TRPC4: variants seen among roughly 807,000 people sequenced by gnomAD.
The protein encoded by TRPC4 is transient receptor potential cation channel subfamily C member 4, also known as short transient receptor potential channel 4.
Under a neutral mutation model 99.4 loss-of-function variants are expected in TRPC4, and 49 were observed. The ratio of observed to expected loss-of-function variants is 0.49; its 90% CI spans 0.39 to 0.63. The LOEUF is 0.63. TRPC4 is among the 20% of genes least tolerant of loss of function. The pLI, the probability that TRPC4 is intolerant of heterozygous loss-of-function variation, is 0.00. For synonymous variants in TRPC4, 454 were observed against 425.9 expected (o/e 1.07, Z -0.81); for missense variants, 898 against 1,152.9 (o/e 0.78, Z 3.20).
chr13:37,850,809 T>C (rs888142658), intron 1 of TRPC4, among the ~76,000 whole-genome samples: 2 of 152,082 alleles, frequency 1.3e-5, no homozygotes, highest in Non-Finnish European at 2.9e-5. Flanking sequence ...ACATCCCAGA[T>C]AGAGGGAAAC....
intron 4 of TRPC4, among the ~76,000 whole-genome samples, chr13:37,685,238 G>T (rs948515275): frequency 6.6e-6 from 1 of 152,130 alleles, no homozygotes; most frequent in Non-Finnish European, 1.5e-5. Context: ...ACGGACACAC[G>T]TTCTGAGCTG....
intron 3 of TRPC4, among the ~76,000 whole-genome samples, chr13:37,695,154 G>A (rs1953865324): frequency 6.6e-6 from 1 of 151,786 alleles, no homozygotes; most frequent in Non-Finnish European, 1.5e-5. Flanking sequence ...CTCCCTGCCT[G>A]ACTACCTCCC....
At chr13:37,790,215 A>G (rs186845622) in intron 1 of TRPC4, among the ~76,000 whole-genome samples, 1 of 152,274 alleles carries the variant, frequency 6.6e-6, no homozygotes, top group East Asian at 1.9e-4. Context: ...ATGAAATAAT[A>G]GAGTATAAGG....
At chr13:37,845,514 C>A (rs576463479) in intron 1 of TRPC4, among the ~76,000 whole-genome samples, 1 of 151,764 alleles carries the variant, frequency 6.6e-6, no homozygotes, top group African/African-American at 2.4e-5. Flanking sequence ...AAAAAGTGAA[C>A]TAAAAAATTA....
intron 1 of TRPC4, among the ~76,000 whole-genome samples, chr13:37,844,388 A>C (rs1958828466): frequency 1.3e-5 from 2 of 151,960 alleles, no homozygotes; most frequent in African/African-American, 4.8e-5. Context: ...TCCATCTCCC[A>C]GGTTCAAGCA....
chr13:37,706,532 G>A, intron 3 of TRPC4, among the ~76,000 whole-genome samples: 1 of 151,894 alleles, frequency 6.6e-6, no homozygotes, highest in Non-Finnish European at 1.5e-5. Flanking sequence ...CAATGTGCAG[G>A]TTTGTTACAT....
At chr13:37,785,753 A>T (rs1956954892) in intron 1 of TRPC4, among the ~76,000 whole-genome samples, 1 of 152,100 alleles carries the variant, frequency 6.6e-6, no homozygotes, top group Non-Finnish European at 1.5e-5. Flanking sequence ...AATTAGGTAG[A>T]GAACAGCATT....
chr13:37,830,916 C>T (rs575244168), intron 1 of TRPC4, among the ~76,000 whole-genome samples: 1 of 150,928 alleles, frequency 6.6e-6, no homozygotes, highest in African/African-American at 2.4e-5. Flanking sequence ...CATATGAAGG[C>T]AGACTGTGAA....
chr13:37,656,909 A>G (rs1011855612), intron 6 of TRPC4, among the ~76,000 whole-genome samples: 1 of 152,176 alleles, frequency 6.6e-6, no homozygotes, highest in African/African-American at 2.4e-5. Context: ...GGCTTGCTCT[A>G]GGTTCTGCCC....
intron 1 of TRPC4, among the ~76,000 whole-genome samples, chr13:37,799,764 G>A (rs1378874279): frequency 1.3e-5 from 2 of 152,158 alleles, no homozygotes; most frequent in African/African-American, 4.8e-5. Flanking sequence ...AACCCAAGAA[G>A]GTTCGATCTG....
intron 1 of TRPC4, among the ~76,000 whole-genome samples, chr13:37,822,187 C>T (rs1324386550): frequency 4.6e-5 from 7 of 152,088 alleles, no homozygotes; most frequent in Non-Finnish European, 8.8e-5. Flanking sequence ...AGCCAATAGG[C>T]ATGTGAAAGA....
chr13:37,737,603 A>G (rs1045921791), intron 3 of TRPC4, among the ~76,000 whole-genome samples: 3 of 152,082 alleles, frequency 2.0e-5, no homozygotes, highest in African/African-American at 4.8e-5. Flanking sequence ...CTTCACAAGT[A>G]GCTGGGACTA....
chr13:37,647,486 G>A (rs1261892787), intron 8 of TRPC4, among the ~76,000 whole-genome samples: 4 of 152,166 alleles, frequency 2.6e-5, no homozygotes, highest in African/African-American at 9.6e-5. Flanking sequence ...AGACACAACA[G>A]GGAAGGTGTT....
Position 37,637,515 on chromosome 13 carries a change from C to T in TRPC4, c.2322G>A (p.Ser774=). The change falls in exon 11 of 11, where the codon TCG becomes TCA. Residue 774 remains serine, a synonymous_variant. Transcript: ENST00000379705. ...SANASKESSN[S]ADSDEKSDSE... ...TATCACTCTTTTCATCTGAGTCTGC[C>T]GAATTTGAAGACTCCTTCGAGGCAT... 1.2e-6 allele frequency: 2 copies of T among 1,613,554 alleles called. No homozygotes were observed. Among genetic ancestry groups the T allele is most frequent in the Non-Finnish European group, 1.7e-6 (2 of 1,179,754 alleles).
intron 1 of TRPC4, among the ~76,000 whole-genome samples, chr13:37,798,488 A>C (rs750272555): frequency 2.6e-5 from 4 of 152,182 alleles, no homozygotes; most frequent in Non-Finnish European, 5.9e-5. Context: ...GACGGTTGAT[A>C]TTTTACAAGT....
At chr13:37,739,734 G>C (rs371922094) in intron 3 of TRPC4, among the ~76,000 whole-genome samples, 1 of 151,864 alleles carries the variant, frequency 6.6e-6, no homozygotes, top group Admixed American at 6.6e-5. Context: ...TCAAACTCCT[G>C]ACCTTGTGAC....
chr13:37,765,028 A>C (rs929584760), intron 2 of TRPC4, among the ~76,000 whole-genome samples: 1 of 151,122 alleles, frequency 6.6e-6, no homozygotes, highest in South Asian at 2.1e-4. Flanking sequence ...TATTTGTGAA[A>C]GATTGAAATA....
intron 3 of TRPC4, among the ~76,000 whole-genome samples, chr13:37,703,478 T>C (rs1002040177): frequency 3.3e-5 from 5 of 152,010 alleles, no homozygotes; most frequent in African/African-American, 1.2e-4. Context: ...TAACCAAATA[T>C]AATAATGAGG....
At position 37,763,931 on chromosome 13, in the gene TRPC4, A is replaced by G. The variant is rs182433072; in HGVS notation, c.379-17476T>C. On this transcript the variant is annotated intron_variant, in intron 2 of 10. Transcript: ENST00000379705. ...TAACGCATGATGAAGTTAAAGATAA[A>G]TGTCTGGGAAGAAGGAAAGTAGGTT... is the stretch of plus-strand genomic sequence containing the variant. Among the ~76,000 whole-genome samples the G allele has an allele frequency of 2.6e-3, 394 of 151,804 alleles. 1 individual carries two copies. The highest frequency in any genetic ancestry group is 9.0e-3 in the African/African-American group (372 of 41,496).
Sources: gnomAD v4.1 joint callset for allele counts (sites outside exome capture counted in the v4.1 genomes callset) on GRCh38, gnomAD v4.1.1 for gene constraint, MANE v1.5 for transcripts, NCBI Gene and HGNC (gene_info 2026-07-23, HGNC 2026-07-21) for gene names.